ANO3: variants seen among roughly 807,000 people sequenced by gnomAD.
ANO3 encodes anoctamin 3.
A neutral mutation model predicts 144.8 loss-of-function variants in ANO3; 99 were observed. The observed-to-expected ratio is 0.68, with a 90% CI of 0.58 to 0.81. The LOEUF is 0.81. ANO3 is among the 30% of genes least tolerant of loss of function. The probability of loss-of-function intolerance (pLI) is 0.00; values close to 1 mark genes in which losing one functional copy is unlikely to be tolerated. For synonymous variants in ANO3, 414 were observed against 392.6 expected, an observed-to-expected ratio of 1.05 and a Z score of -0.64; for missense variants, 905 against 1,202.2, an observed-to-expected ratio of 0.75 and a Z score of 3.66.
chr11:26,458,953 C>T (rs12288844), intron 3 of ANO3, among the ~76,000 whole-genome samples: 37,988 of 151,856 alleles, frequency 0.25, 5,512 homozygotes, highest in African/African-American at 0.4. Context: ...TAAAGCATTG[C>T]GAGCAGAGGG....
At chr11:26,498,040 A>G (rs993865275) in intron 4 of ANO3, among the ~76,000 whole-genome samples, 5 of 151,984 alleles carry the variant, frequency 3.3e-5, no homozygotes, top group Admixed American at 3.3e-4. Context: ...ATGGGACTTG[A>G]ATGTGTTCAC....
intron 14 of ANO3, among the ~76,000 whole-genome samples, chr11:26,564,728 C>CATATATAT (rs1850474307): frequency 2.8e-5 from 1 of 36,204 alleles, no homozygotes; most frequent in Non-Finnish European, 5.0e-5. Flanking sequence ...CACACACACA[C>CATATATAT]ACACATATAT....
intron 12 of ANO3, among the ~76,000 whole-genome samples, chr11:26,550,352 C>T (rs78866520): frequency 6.6e-6 from 1 of 151,856 alleles, no homozygotes; most frequent in African/African-American, 2.4e-5. Context: ...ACCACAGGCA[C>T]AATGTCATAC....
At chr11:26,473,576 C>T (rs765473814) in intron 4 of ANO3, among the ~76,000 whole-genome samples, 6 of 150,750 alleles carry the variant, frequency 4.0e-5, no homozygotes, top group Non-Finnish European at 5.9e-5. Context: ...AACTCCACTC[C>T]GCTATCAAAA....
intron 1 of ANO3, among the ~76,000 whole-genome samples, chr11:26,195,815 G>T (rs907005404): frequency 1.3e-5 from 2 of 152,116 alleles, no homozygotes; most frequent in Non-Finnish European, 2.9e-5. Flanking sequence ...AGACACAGGA[G>T]ATTTTAGAAC....
chr11:26,214,128 G>A (rs537730856), intron 1 of ANO3, among the ~76,000 whole-genome samples: 15 of 152,112 alleles, frequency 9.9e-5, no homozygotes, highest in Non-Finnish European at 1.9e-4. Flanking sequence ...CATGAGATAA[G>A]TGTAATTTGA....
intron 20 of ANO3, among the ~76,000 whole-genome samples, chr11:26,637,357 G>A (rs1424997274): frequency 6.6e-6 from 1 of 152,054 alleles, no homozygotes; most frequent in Non-Finnish European, 1.5e-5. Flanking sequence ...ACACTTCAAG[G>A]CAGCAAACAC....
At position 26,639,303 on chromosome 11, in the gene ANO3, C is replaced by T. The variant is rs1031079093; in HGVS notation, c.2141+62C>T. ...TTACAAAGAGGAAAGCTAGAGGTGG[C>T]GTGAGTAGTGCTTAAGAATTTGGTC... On this transcript the variant is annotated intron_variant, in intron 21 of 26. Transcript: ENST00000256737. 53 of 1,241,192 alleles carry T rather than the reference C, an allele frequency of 4.3e-5. No homozygotes were observed. In the African/African-American group the frequency reaches 6.9e-4, roughly 16 times the overall value. 76.9% of individuals were successfully genotyped at this position (1,241,192 alleles called of 1,614,324 possible).
chr11:26,567,956 C>T (rs1345406037), intron 14 of ANO3, among the ~76,000 whole-genome samples: 2 of 151,820 alleles, frequency 1.3e-5, no homozygotes, highest in African/African-American at 4.8e-5. Flanking sequence ...TACAATGATA[C>T]GATTGGGAAA....
chr11:26,293,203 T>C (rs1425448247), intron 1 of ANO3, among the ~76,000 whole-genome samples: 5 of 152,160 alleles, frequency 3.3e-5, no homozygotes, highest in East Asian at 1.9e-4. Flanking sequence ...GAAAACATTA[T>C]TGTGAGTTTC....
intron 1 of ANO3, among the ~76,000 whole-genome samples, chr11:26,413,286 G>A (rs988709136): frequency 2.6e-5 from 4 of 152,006 alleles, no homozygotes; most frequent in African/African-American, 7.2e-5. Flanking sequence ...TCATATAGGT[G>A]CTTCACTAAA....
intron 1 of ANO3, among the ~76,000 whole-genome samples, chr11:26,294,790 T>A (rs939862110): frequency 6.6e-6 from 1 of 152,260 alleles, no homozygotes; most frequent in African/African-American, 2.4e-5. Flanking sequence ...TTCTTTGGCA[T>A]ATCTTTAACA....
chr11:26,385,706 T>A (rs1856706617), intron 1 of ANO3, among the ~76,000 whole-genome samples: 1 of 151,962 alleles, frequency 6.6e-6, no homozygotes, highest in South Asian at 2.1e-4. Flanking sequence ...CATCTCAAGA[T>A]CCTATATCAC....
chr11:26,624,361 A>G, intron 17 of ANO3, 101 bp from the exon 18 acceptor site: 1 of 757,584 alleles, frequency 1.3e-6, no homozygotes. Flanking sequence ...AAATGTAACC[A>G]CTGTATAACA....
chr11:26,465,634 T>C (rs1248205426), intron 4 of ANO3, among the ~76,000 whole-genome samples: 1 of 151,784 alleles, frequency 6.6e-6, no homozygotes, highest in Non-Finnish European at 1.5e-5. Flanking sequence ...TAATAGGAAA[T>C]AACCCCAAGT....
chr11:26,265,206 C>T (rs558285864), intron 1 of ANO3, among the ~76,000 whole-genome samples: 11 of 152,316 alleles, frequency 7.2e-5, no homozygotes, highest in Non-Finnish European at 1.3e-4. Context: ...GCATCATCCT[C>T]TGTACAAAAC....
intron 1 of ANO3, among the ~76,000 whole-genome samples, chr11:26,231,814 T>A (rs1309034824): frequency 6.6e-6 from 1 of 152,178 alleles, no homozygotes; most frequent in Non-Finnish European, 1.5e-5. Context: ...TCAATAAATG[T>A]TATTTATTAT....
chr11:26,224,779 G>A (rs1852222627), intron 1 of ANO3, among the ~76,000 whole-genome samples: 1 of 152,134 alleles, frequency 6.6e-6, no homozygotes, highest in Admixed American at 6.6e-5. Context: ...CCAAACATGT[G>A]GGCCCTCAGT....
chr11:26,324,843 T>C (rs970207621), intron 1 of ANO3, among the ~76,000 whole-genome samples: 5 of 152,190 alleles, frequency 3.3e-5, no homozygotes, highest in African/African-American at 7.2e-5. Flanking sequence ...CAAATATTTA[T>C]ATGAGGCAAG....
Sources: allele counts gnomAD v4.1 joint callset (sites outside exome capture counted in the v4.1 genomes callset), GRCh38; gene constraint gnomAD v4.1.1; transcripts MANE v1.5; gene names NCBI Gene and HGNC (gene_info 2026-07-23, HGNC 2026-07-21).